FNBP1: variants seen among roughly 807,000 people sequenced by gnomAD.
FNBP1 encodes formin-binding protein 1.
Under a neutral mutation model 90.6 loss-of-function variants are expected in FNBP1, and 26 were observed. That is an observed-to-expected ratio of 0.29 (90% CI 0.21 to 0.40). The LOEUF (loss-of-function observed/expected upper bound fraction) is 0.40, where lower values mean the gene tolerates loss of function less well. Ranked by LOEUF, FNBP1 falls within the 10% of genes least tolerant of loss-of-function variation. FNBP1 has a pLI of 1.00. For synonymous variants in FNBP1, 260 were observed against 265.2 expected, an observed-to-expected ratio of 0.98 and a Z score of 0.19; for missense variants, 635 against 768.0, an observed-to-expected ratio of 0.83 and a Z score of 2.05.
chr9:130,043,242 AGGGGAGGGGCGGGG>A (rs1431768070), upstream of FNBP1: 1 of 302,950 alleles, frequency 3.3e-6, no homozygotes, highest in African/African-American at 2.2e-5. Flanking sequence ...GAGGGGCGGG[AGGGGAGGGGCGGGG>A]CCGGTCTGAC....
chr9:130,046,750 C>A (rs1360995309), upstream of FNBP1, among the ~76,000 whole-genome samples: 6 of 144,178 alleles, frequency 4.2e-5, no homozygotes, highest in East Asian at 1.2e-3. Flanking sequence ...CCACTGTACT[C>A]CGGCAACAGA....
chr9:130,001,513 G>A (rs1165084155), intron 1 of FNBP1, among the ~76,000 whole-genome samples: 2 of 152,084 alleles, frequency 1.3e-5, no homozygotes, highest in African/African-American at 4.8e-5. Flanking sequence ...TAAACTCCAT[G>A]AGAAGGTTTC....
chr9:130,010,650 A>G (rs1024634457), intron 1 of FNBP1, among the ~76,000 whole-genome samples: 1 of 151,936 alleles, frequency 6.6e-6, no homozygotes, highest in African/African-American at 2.4e-5. Flanking sequence ...TTTGATGACA[A>G]TTTCTCAGCT....
At chr9:129,891,921 G>A (rs902179165) in intron 16 of FNBP1, among the ~76,000 whole-genome samples, 1 of 152,122 alleles carries the variant, frequency 6.6e-6, no homozygotes, top group Non-Finnish European at 1.5e-5. Flanking sequence ...AAGCAGATAC[G>A]AGGGTACAAC....
At chr9:130,032,167 C>CTT (rs769360352) in intron 1 of FNBP1, among the ~76,000 whole-genome samples, 9 of 142,552 alleles carry the variant, frequency 6.3e-5, no homozygotes, top group Admixed American at 1.4e-4. Flanking sequence ...TTAAAATAAA[C>CTT]TTTTTTTTTT....
At chr9:129,972,127 C>T (rs775949693) in intron 4 of FNBP1, among the ~76,000 whole-genome samples, 4 of 152,094 alleles carry the variant, frequency 2.6e-5, no homozygotes, top group Admixed American at 6.6e-5. Flanking sequence ...ACCAATTCCA[C>T]ATTTTATTTA....
chr9:130,028,747 A>G (rs2058564494), intron 1 of FNBP1, among the ~76,000 whole-genome samples: 1 of 152,196 alleles, frequency 6.6e-6, no homozygotes, highest in Admixed American at 6.5e-5. Flanking sequence ...TAGGTAACAG[A>G]GTTCCAAAGT....
intron 16 of FNBP1, among the ~76,000 whole-genome samples, chr9:129,893,732 C>T (rs916965790): frequency 1.9e-4 from 29 of 149,338 alleles, no homozygotes; most frequent in Non-Finnish European, 2.2e-4. Context: ...CTGGCTAACA[C>T]GGTGAAACCC....
chr9:130,043,567 C>G (rs2060011409), upstream of FNBP1, among the ~76,000 whole-genome samples: 1 of 152,248 alleles, frequency 6.6e-6, no homozygotes, highest in Non-Finnish European at 1.5e-5. Flanking sequence ...AATACTTTCC[C>G]CTGGCAGCCA....
chr9:130,048,111 T>C (rs915233780), upstream of FNBP1, among the ~76,000 whole-genome samples: 1 of 151,280 alleles, frequency 6.6e-6, no homozygotes, highest in African/African-American at 2.4e-5. Context: ...CTTGAGCCCA[T>C]GAGTTCAAGA....
intron 1 of FNBP1, among the ~76,000 whole-genome samples, chr9:130,001,545 G>A (rs907709308): frequency 6.6e-6 from 1 of 152,120 alleles, no homozygotes; most frequent in East Asian, 1.9e-4. Context: ...GAGGTCCAGG[G>A]ACTGCACTTT....
intron 6 of FNBP1, among the ~76,000 whole-genome samples, chr9:129,943,999 A>AAAAAAAAC (rs35860512): frequency 2.0e-5 from 3 of 150,108 alleles, no homozygotes; most frequent in Non-Finnish European, 3.0e-5. Context: ...TCTCAAAAAA[A>AAAAAAAAC]AAAAAAAAAA....
intron 1 of FNBP1, among the ~76,000 whole-genome samples, chr9:130,007,239 C>CCA (rs368894485): frequency 3.9e-5 from 3 of 77,020 alleles, no homozygotes; most frequent in South Asian, 5.6e-4. Flanking sequence ...GAGATCCTGT[C>CCA]AAAAAAAAAA....
At chr9:130,040,320 A>G (rs1256583059) in intron 1 of FNBP1, among the ~76,000 whole-genome samples, 2 of 152,178 alleles carry the variant, frequency 1.3e-5, no homozygotes, top group East Asian at 3.9e-4. Flanking sequence ...TGGTACTCAT[A>G]AGAATGTCTT....
chr9:130,037,354 G>C (rs558763620), intron 1 of FNBP1, among the ~76,000 whole-genome samples: 1 of 151,712 alleles, frequency 6.6e-6, no homozygotes, highest in Admixed American at 6.6e-5. Flanking sequence ...ACTCCATCTC[G>C]AAAAAGAAAA....
chr9:129,968,547 G>A (rs2048966583), intron 4 of FNBP1, among the ~76,000 whole-genome samples: 1 of 151,970 alleles, frequency 6.6e-6, no homozygotes, highest in African/African-American at 2.4e-5. Flanking sequence ...AAATGTATTG[G>A]AGTCAGTCCA....
chr9:129,999,609 A>AG (rs1406870370), intron 1 of FNBP1, among the ~76,000 whole-genome samples: 1 of 152,100 alleles, frequency 6.6e-6, no homozygotes, highest in Non-Finnish European at 1.5e-5. Context: ...AAAAAAAAAA[A>AG]AAATCATTGA....
rs1285962945 is a variant in FNBP1, at chr9:129,889,048, TGA to T, written c.*1489_*1490del. 2.0e-5 allele frequency: 2 copies of T among 101,878 alleles called. No homozygotes were observed. Among genetic ancestry groups the T allele is most frequent in the Non-Finnish European group, 1.8e-5 (1 of 55,012 alleles). 6.3% of individuals were successfully genotyped at this position (101,878 alleles called of 1,614,324 possible). ...TCCTCTTGACTGTTTCTGCACCAAA[TGA>T]GAGGAGGGGCTGCTCTGCTCTAAGG... On this transcript the variant is annotated 3_prime_UTR_variant, in exon 17 of 17. Coordinates refer to ENST00000446176, the MANE Select transcript of FNBP1 (RefSeq NM_015033.3).
intron 10 of FNBP1, chr9:129,918,888 A>AT (rs397935731): frequency 5.7e-6 from 1 of 175,924 alleles, no homozygotes; most frequent in Non-Finnish European, 1.2e-5. Context: ...AAAAAAAAAA[A>AT]CAAAAAAACA....
Sources: gnomAD v4.1 joint callset for allele counts (sites outside exome capture counted in the v4.1 genomes callset) on GRCh38, gnomAD v4.1.1 for gene constraint, MANE v1.5 for transcripts, NCBI Gene and HGNC (gene_info 2026-07-23, HGNC 2026-07-21) for gene names.